The following NELL1 variants were observed in gnomAD, a reference collection of about 807,000 sequenced individuals.
NELL1 encodes neural EGFL like 1.
A neutral mutation model predicts 107.4 loss-of-function variants in NELL1; 76 were observed. That is an observed-to-expected ratio of 0.71 (90% CI 0.59 to 0.86). NELL1 has a LOEUF of 0.86. NELL1 is among the 40% of genes least tolerant of loss of function. The pLI, the probability that NELL1 is intolerant of heterozygous loss-of-function variation, is 0.00. For synonymous variants in NELL1, 353 were observed against 341.2 expected, an observed-to-expected ratio of 1.03 and a Z score of -0.38; for missense variants, 1,024 against 1,005.5, an observed-to-expected ratio of 1.02 and a Z score of -0.25.
intron 15 of NELL1, among the ~76,000 whole-genome samples, chr11:21,533,081 A>G (rs1856034164): frequency 6.6e-6 from 1 of 152,202 alleles, no homozygotes; most frequent in Non-Finnish European, 1.5e-5. Context: ...CTAAGGGATG[A>G]TGTATGTGAA....
At chr11:21,330,929 G>T (rs1280003136) in intron 14 of NELL1, among the ~76,000 whole-genome samples, 3 of 151,924 alleles carry the variant, frequency 2.0e-5, no homozygotes, top group Non-Finnish European at 4.4e-5. Flanking sequence ...CTGTTGTTCA[G>T]ATTGCATAAT....
At chr11:21,382,980 G>C (rs997108926) in intron 15 of NELL1, among the ~76,000 whole-genome samples, 4 of 151,858 alleles carry the variant, frequency 2.6e-5, no homozygotes, top group African/African-American at 9.7e-5. Context: ...AGCAACTGGA[G>C]CCCAGAAGTT....
At chr11:20,784,839 G>A (rs944197769) in intron 3 of NELL1, among the ~76,000 whole-genome samples, 1 of 152,156 alleles carries the variant, frequency 6.6e-6, no homozygotes, top group African/African-American at 2.4e-5. Context: ...CATGTATGGT[G>A]GAGTTTGGCA....
intron 15 of NELL1, among the ~76,000 whole-genome samples, chr11:21,423,198 C>T (rs1852733278): frequency 2.6e-5 from 4 of 151,836 alleles, no homozygotes; most frequent in African/African-American, 9.7e-5. Flanking sequence ...AACCCCATCT[C>T]CACTAAAAAT....
chr11:20,694,370 G>A (rs894319970), intron 2 of NELL1, among the ~76,000 whole-genome samples: 1 of 151,894 alleles, frequency 6.6e-6, no homozygotes, highest in East Asian at 1.9e-4. Flanking sequence ...TATTTTCTGG[G>A]TTTTCTTCTA....
chr11:20,745,382 A>G (rs1035355078), intron 2 of NELL1, among the ~76,000 whole-genome samples: 1 of 152,206 alleles, frequency 6.6e-6, no homozygotes, highest in Admixed American at 6.5e-5. Context: ...GCTTATTAAC[A>G]TCAATTTATA....
In NELL1 at chr11:20,936,651, GTCTATTTCCCTGATT is replaced by G. The variant is rs1850731954; in HGVS notation, c.998-1134_998-1120del. Among the ~76,000 whole-genome samples the G allele has an allele frequency of 2.0e-5, 3 of 151,906 alleles. No individual in the cohort carries two copies. In the South Asian group the frequency reaches 6.2e-4, roughly 31 times the overall value. On this transcript the variant is annotated intron_variant, in intron 9 of 19. Transcript: ENST00000357134. The stretch of plus-strand genomic sequence containing the variant: ...TCACTGATGTTATTATGTAATTACT[GTCTATTTCCCTGATT>G]GTAAGCTCCATGAGAAGAAAGCTTT...
At chr11:21,284,381 T>A (rs4151053) in intron 14 of NELL1, 1 of 457,038 alleles carries the variant, frequency 2.2e-6, no homozygotes, top group South Asian at 1.5e-5. Flanking sequence ...CAAGTCTTTG[T>A]GCATTGCTGA....
intron 12 of NELL1, among the ~76,000 whole-genome samples, chr11:20,993,839 C>G (rs10766760): frequency 0.39 from 57,780 of 146,762 alleles, 11,770 homozygotes; most frequent in East Asian, 0.6. Flanking sequence ...ATCCATGGAT[C>G]GGGGGATGGG....
chr11:21,398,098 C>T lies in NELL1; in HGVS notation c.1645+27150C>T, dbSNP rs554697198. ...GTATTTGCAATTACCAAGAATCAAC[C>T]TGTATTTTTTAACTTTGTTAATGAA... On this transcript the variant is annotated intron_variant, in intron 15 of 19. Transcript: ENST00000357134. Among the ~76,000 whole-genome samples the T allele has an allele frequency of 1.0e-3, 156 of 151,440 alleles. 1 individual carries two copies. The highest frequency in any genetic ancestry group is 3.5e-3 in the African/African-American group (146 of 41,396).
intron 13 of NELL1, among the ~76,000 whole-genome samples, chr11:21,154,555 A>C (rs1856189600): frequency 6.6e-6 from 1 of 152,196 alleles, no homozygotes; most frequent in Non-Finnish European, 1.5e-5. Context: ...CCAATGGGTG[A>C]TGTATACATG....
At chr11:21,311,606 G>T (rs1402904110) in intron 14 of NELL1, among the ~76,000 whole-genome samples, 3 of 152,114 alleles carry the variant, frequency 2.0e-5, no homozygotes, top group East Asian at 1.9e-4. Flanking sequence ...TTTAATGCAA[G>T]AATTGGGACT....
At chr11:20,740,900 A>G (rs1306162650) in intron 2 of NELL1, among the ~76,000 whole-genome samples, 1 of 152,094 alleles carries the variant, frequency 6.6e-6, no homozygotes, top group Non-Finnish European at 1.5e-5. Flanking sequence ...AGCTGGTACT[A>G]CAGCTGGGCA....
chr11:21,166,506 C>A (rs575064585), intron 13 of NELL1, among the ~76,000 whole-genome samples: 35 of 151,826 alleles, frequency 2.3e-4, no homozygotes, highest in Non-Finnish European at 4.4e-4. Flanking sequence ...ATGATGGATA[C>A]CCTATTTACC....
intron 14 of NELL1, among the ~76,000 whole-genome samples, chr11:21,303,364 A>T (rs1338252694): frequency 6.6e-6 from 1 of 152,014 alleles, no homozygotes; most frequent in Non-Finnish European, 1.5e-5. Flanking sequence ...GCTAACAGGT[A>T]TGTGAAAAAA....
intron 14 of NELL1, among the ~76,000 whole-genome samples, chr11:21,232,147 TAAA>T (rs869244876): frequency 1.9e-4 from 17 of 90,516 alleles, no homozygotes; most frequent in African/African-American, 4.1e-4. Context: ...TAAAAAAAAA[TAAA>T]AAAAAAAAAA....
intron 2 of NELL1, among the ~76,000 whole-genome samples, chr11:20,685,478 A>G (rs1854286161): frequency 6.6e-6 from 1 of 152,112 alleles, no homozygotes; most frequent in Non-Finnish European, 1.5e-5. Context: ...CTCTGTTAAT[A>G]TAGGCAGACT....
At chr11:21,122,720 G>C (rs1172620987) in intron 13 of NELL1, among the ~76,000 whole-genome samples, 1 of 152,024 alleles carries the variant, frequency 6.6e-6, no homozygotes, top group South Asian at 2.1e-4. Context: ...TTCTTCATCA[G>C]TATTCACTGT....
chr11:20,760,859 T>A (rs1281657125), intron 2 of NELL1, among the ~76,000 whole-genome samples: 1 of 152,212 alleles, frequency 6.6e-6, no homozygotes, highest in African/African-American at 2.4e-5. Flanking sequence ...TAAATGCCAC[T>A]GCCAGATTCC....
Sources: gnomAD v4.1 joint callset for allele counts (sites outside exome capture counted in the v4.1 genomes callset) on GRCh38, gnomAD v4.1.1 for gene constraint, MANE v1.5 for transcripts, NCBI Gene and HGNC (gene_info 2026-07-23, HGNC 2026-07-21) for gene names.